Variants in SLTM observed in about 807,000 individuals in gnomAD.
The protein encoded by SLTM is SAFB-like transcription modulator.
SLTM carries 43 observed loss-of-function variants against 134.6 expected under a neutral mutation model. That is an observed-to-expected ratio of 0.32 (90% CI 0.25 to 0.41). The LOEUF (loss-of-function observed/expected upper bound fraction) is 0.41. SLTM is among the 10% of genes least tolerant of loss of function. SLTM has a pLI of 1.00. For missense variants in SLTM, 1,055 were observed against 1,288.8 expected, an observed-to-expected ratio of 0.82 and a Z score of 2.78; for synonymous variants, 424 against 432.3, an observed-to-expected ratio of 0.98 and a Z score of 0.24.
chr15:58,902,591 T>C (rs1402904154), intron 5 of SLTM, among the ~76,000 whole-genome samples: 2 of 151,698 alleles, frequency 1.3e-5, no homozygotes, highest in Admixed American at 6.6e-5. Context: ...GAGGTCTTGC[T>C]ATGTTGCCCG....
At chr15:58,927,418 A>C (rs997044194) in intron 2 of SLTM, among the ~76,000 whole-genome samples, 2 of 152,098 alleles carry the variant, frequency 1.3e-5, no homozygotes, top group African/African-American at 2.4e-5. Flanking sequence ...TACAGATGCG[A>C]AACACCATGC....
At chr15:58,880,249 AC>A in intron 20 of SLTM, 142 bp from the exon 21 acceptor site, 1 of 1,096,924 alleles carries the variant, frequency 9.1e-7, no homozygotes, top group Non-Finnish European at 1.2e-6. Context: ...ACCATTGCTA[AC>A]CCCACTTTAC....
chr15:58,918,428 T>C (rs375594400), intron 2 of SLTM, among the ~76,000 whole-genome samples: 3 of 152,198 alleles, frequency 2.0e-5, no homozygotes, highest in African/African-American at 7.2e-5. Context: ...GTCTCCTCGG[T>C]AGCTCCTATC....
At chr15:58,917,359 C>T (rs2036721785) in intron 2 of SLTM, among the ~76,000 whole-genome samples, 1 of 152,286 alleles carries the variant, frequency 6.6e-6, no homozygotes, top group African/African-American at 2.4e-5. Context: ...CACCTGATAG[C>T]TAAGTACAAG....
chr15:58,917,922 G>A (rs2036760744), intron 2 of SLTM, among the ~76,000 whole-genome samples: 1 of 151,846 alleles, frequency 6.6e-6, no homozygotes, highest in African/African-American at 2.4e-5. Flanking sequence ...GCTAATTTTT[G>A]TATTTTTAGT....
intron 8 of SLTM, 29 bp from the exon 9 acceptor site, chr15:58,897,262 A>C: frequency 1.6e-6 from 2 of 1,266,960 alleles, no homozygotes; most frequent in South Asian, 2.5e-5. Flanking sequence ...CAGATGTTTA[A>C]GTATCTCAAT....
chr15:58,897,806 C>A (rs1322906328), intron 8 of SLTM, among the ~76,000 whole-genome samples: 1 of 152,016 alleles, frequency 6.6e-6, no homozygotes, highest in African/African-American at 2.4e-5. Flanking sequence ...AAAACAACTA[C>A]AAGATTAAGA....
intron 5 of SLTM, among the ~76,000 whole-genome samples, chr15:58,908,889 AGTT>A (rs1193770794): frequency 2.0e-5 from 3 of 152,188 alleles, no homozygotes; most frequent in Non-Finnish European, 4.4e-5. Flanking sequence ...ATCATTCTAA[AGTT>A]GTTGTATGTG....
At position 58,913,716 on chromosome 15, in the gene SLTM, T is replaced by C. The variant is rs367565216; in HGVS notation, c.316-20A>G. On this transcript the variant is annotated intron_variant, in intron 3 of 20. Coordinates refer to ENST00000380516, the MANE Select transcript of SLTM (RefSeq NM_024755.4). ...ACAGTCCTTTTAATGGTAAGAAAAT[T>C]TGGTACAACTAGAGGCAAAGTAGTG... The C allele has an allele frequency of 5.0e-6, 8 of 1,608,780 alleles. No individual in the cohort carries two copies. The South Asian group carries it at 8.8e-5, about 18-fold the overall frequency.
In SLTM at chr15:58,880,040, C is replaced by T. The variant is rs1412010786; in HGVS notation, c.3064G>A (p.Gly1022Arg). Residue 1022 changes from glycine (G) to arginine (R), a missense_variant, in exon 21 of 21, where the codon GGA becomes AGA. Around this residue, in one of 3 missense-constraint regions of SLTM, gnomAD observed 776 missense variants for 962.2 expected, o/e 0.81. Transcript: ENST00000380516. ...GNSMPRGSGS[G>R]FKPFKGGPPR... ...GGTCCACCCTTAAATGGCTTAAATCCGGAGCCACTTCCTCTTGGCATGGAA... is the reference window on the plus strand; with the variant it reads ...GGTCCACCCTTAAATGGCTTAAATCTGGAGCCACTTCCTCTTGGCATGGAA... 15 of 1,614,022 alleles carry T rather than the reference C, an allele frequency of 9.3e-6. No individual in the cohort carries two copies. Among genetic ancestry groups the T allele is most frequent in the East Asian group, 4.5e-5 (2 of 44,886 alleles).
rs369182674 is a variant in SLTM at position 58,899,458 on chromosome 15, GA to G, written c.1058+10del. On this transcript the variant is annotated intron_variant, in intron 7 of 20. Transcript: ENST00000380516. The surrounding 1 kb of genome is among the most constrained non-coding windows in gnomAD (Gnocchi z 5.0). Reference sequence around the variant, plus strand: ...TTCAGTATCGTAAAGAACTGACATAGAAAAACAAACCTCTTTGCTTGACCAG... The same window carrying G: ...TTCAGTATCGTAAAGAACTGACATAGAAAACAAACCTCTTTGCTTGACCAG... The G allele has an allele frequency of 3.9e-5, 63 of 1,610,144 alleles. 1 individual carries two copies. The African/African-American group carries it at 6.7e-4, about 17-fold the overall frequency.
rs552692227 is a variant in SLTM, at chr15:58,914,032, C to CA, written c.316-337dup. Among the ~76,000 whole-genome samples, 9 of 152,264 alleles carry CA rather than the reference C, an allele frequency of 5.9e-5. No individual in the cohort carries two copies. In the South Asian group the frequency reaches 1.7e-3, roughly 28 times the overall value. ...AATACGGCTTCATTTTTCCATGTGCCATATGTTGATTTAACTTCAAAGACT... is the reference window on the plus strand; with the variant it reads ...AATACGGCTTCATTTTTCCATGTGCCAATATGTTGATTTAACTTCAAAGACT... On this transcript the variant is annotated intron_variant, in intron 3 of 20. Coordinates refer to ENST00000380516, the MANE Select transcript of SLTM (RefSeq NM_024755.4).
At chr15:58,912,865 C>CA (rs2036381964) in intron 4 of SLTM, 1 of 411,892 alleles carries the variant, frequency 2.4e-6, no homozygotes, top group African/African-American at 2.0e-5. Flanking sequence ...GTGTTTTAAG[C>CA]ATGAATACTA....
intron 17 of SLTM, 38 bp downstream of exon 17, chr15:58,888,347 G>C: frequency 6.6e-7 from 1 of 1,520,814 alleles, no homozygotes; most frequent in South Asian, 1.2e-5. Flanking sequence ...CACTAGCAAG[G>C]CTCATAAAAT....
intron 19 of SLTM, 128 bp from the exon 20 acceptor site, chr15:58,883,914 A>G (rs1461828820): frequency 2.7e-5 from 25 of 937,868 alleles, no homozygotes; most frequent in Non-Finnish European, 3.5e-5. Flanking sequence ...CCTGGCTAAC[A>G]TGGTGCAACC....
chr15:58,900,056 G>GT, intron 6 of SLTM, 119 bp from the exon 7 acceptor site: 1 of 634,534 alleles, frequency 1.6e-6, no homozygotes, highest in Non-Finnish European at 2.5e-6. Context: ...ATGGAAGTTA[G>GT]GGAAAAAAAA....
At chr15:58,914,060 G>A (rs1301822275) in intron 3 of SLTM, among the ~76,000 whole-genome samples, 11 of 152,102 alleles carry the variant, frequency 7.2e-5, no homozygotes, top group African/African-American at 1.9e-4. Context: ...CAAAGACTTC[G>A]GAAGTCTTAT....
At chr15:58,881,611 G>C (rs1217756262) in intron 20 of SLTM, among the ~76,000 whole-genome samples, 1 of 152,076 alleles carries the variant, frequency 6.6e-6, no homozygotes, top group Non-Finnish European at 1.5e-5. Flanking sequence ...GCTCAATCCT[G>C]TGACCTGGAG....
intron 2 of SLTM, among the ~76,000 whole-genome samples, chr15:58,926,901 C>T (rs537763769): frequency 9.9e-5 from 15 of 152,158 alleles, no homozygotes; most frequent in African/African-American, 2.7e-4. Flanking sequence ...TGTGAGCCAC[C>T]GCGCCTGGCC....
Sources: gnomAD v4.1 joint callset for allele counts (sites outside exome capture counted in the v4.1 genomes callset) on GRCh38, gnomAD v4.1.1 for gene constraint, gnomAD v4.1.1 regional missense constraint, Gnocchi (gnomAD v3.1) non-coding constraint, MANE v1.5 for transcripts, NCBI Gene and HGNC (gene_info 2026-07-23, HGNC 2026-07-21) for gene names.